Variants in LMX1B observed in about 807,000 individuals in gnomAD.
The protein encoded by LMX1B is LIM homeobox transcription factor 1-beta.
Under a neutral mutation model 51.4 loss-of-function variants are expected in LMX1B, and 12 were observed. That is an observed-to-expected ratio of 0.23 (90% CI 0.15 to 0.38). LMX1B has a LOEUF of 0.38. LMX1B is among the 10% of genes least tolerant of loss of function. The pLI, the probability that LMX1B is intolerant of heterozygous loss-of-function variation, is 1.00. For synonymous variants in LMX1B, 237 were observed against 235.4 expected (o/e 1.01, Z -0.06); for missense variants, 445 against 571.1 (o/e 0.78, Z 2.25).
intron 2 of LMX1B, among the ~76,000 whole-genome samples, chr9:126,650,789 C>T (rs1239046329): frequency 6.6e-6 from 1 of 152,200 alleles, no homozygotes; most frequent in African/African-American, 2.4e-5. Flanking sequence ...TGTGGGTGCC[C>T]TGGGCGGCCC....
At chr9:126,688,177 G>A (rs1275771958) in intron 2 of LMX1B, among the ~76,000 whole-genome samples, 3 of 152,236 alleles carry the variant, frequency 2.0e-5, no homozygotes, top group African/African-American at 7.2e-5. Context: ...GCGGCACTGA[G>A]CCTTTGGAGA....
chr9:126,680,760 G>A (rs973309716), intron 2 of LMX1B, among the ~76,000 whole-genome samples: 10 of 152,120 alleles, frequency 6.6e-5, no homozygotes, highest in African/African-American at 2.2e-4. Context: ...TAGTGAAGGG[G>A]CAGAAAGAAG....
Position 126,618,547 on chromosome 9 carries a change from C to T in LMX1B, c.326+2978C>T, listed in dbSNP as rs1835346226. Among the ~76,000 whole-genome samples the T allele has an allele frequency of 6.6e-6, 1 of 152,198 alleles. No homozygotes were observed. The highest frequency in any genetic ancestry group is 1.5e-5 in the Non-Finnish European group (1 of 68,032). On this transcript the variant is annotated intron_variant, in intron 2 of 7. Coordinates refer to ENST00000373474, the MANE Select transcript of LMX1B (RefSeq NM_001174147.2). This position sits in a 1 kb window ranked among gnomAD's most constrained non-coding sequence, Gnocchi z 4.5. ...GGGCTCCTTCAAAAAAAAGAAAAAG[C>T]AGCCTTTTCGGACAGAAAACCAGTT...
rs747329658 is a variant in LMX1B, at chr9:126,695,940, A to G, written c.988A>G (p.Ser330Gly). ...CATGGAACAGAGCCCCTACGGCAGC[A>G]GCGACCCCTTCCAGCAGGGCCTCAC... ...VAMEQSPYGSSDPFQQGLTPP... is the reference protein window; with the variant it reads ...VAMEQSPYGSGDPFQQGLTPP... The change falls in exon 7 of 8, where the codon AGC becomes GGC. Residue 330 changes from serine to glycine, a missense_variant. By Grantham distance (56) the Ser-to-Gly change is moderately conservative. Transcript: ENST00000373474. This position sits in a 1 kb window ranked among gnomAD's most constrained non-coding sequence, Gnocchi z 5.2. The G allele has an allele frequency of 6.2e-7, 1 of 1,613,140 alleles. No individual in the cohort carries two copies. Among genetic ancestry groups the G allele is most frequent in the African/African-American group, 1.3e-5 (1 of 74,820 alleles).
In LMX1B at chr9:126,670,760, A is replaced by G. The variant is rs184925504; in HGVS notation, c.327-20076A>G. On this transcript the variant is annotated intron_variant, in intron 2 of 7. Coordinates refer to ENST00000373474, the MANE Select transcript of LMX1B (RefSeq NM_001174147.2). ...TAGGTTCTTGGAAACTGTGACATTA[A>G]GCGAAACCACAGACAGCAGGTCCTC... Among the ~76,000 whole-genome samples the G allele has an allele frequency of 7.4e-4, 112 of 152,314 alleles. 1 individual carries two copies. The highest frequency in any genetic ancestry group is 3.4e-3 in the Middle Eastern group (1 of 294).
At position 126,615,786 on chromosome 9, in the gene LMX1B, A is replaced by G. The variant is rs894083379; in HGVS notation, c.326+217A>G. The stretch of plus-strand genomic sequence containing the variant: ...TCCTGGGAGCCTCCGGACGGCCCCC[A>G]GTTGCCATCCGTTGTCCCGGAATCC... On this transcript the variant is annotated intron_variant, in intron 2 of 7. Transcript: ENST00000373474. This position sits in a 1 kb window ranked among gnomAD's most constrained non-coding sequence, Gnocchi z 6.0. 6.6e-6 allele frequency among the ~76,000 whole-genome samples: 1 copy of G among 152,086 alleles called. No homozygotes were observed. The highest frequency in any genetic ancestry group is 2.4e-5 in the African/African-American group (1 of 41,426).
intron 2 of LMX1B, among the ~76,000 whole-genome samples, chr9:126,688,071 C>G (rs536396374): frequency 4.7e-4 from 72 of 152,184 alleles, no homozygotes; most frequent in Non-Finnish European, 8.7e-4. Flanking sequence ...ATGGCGCATT[C>G]TGTTTATAAA....
chr9:126,631,593 C>T (rs771419403), intron 2 of LMX1B, among the ~76,000 whole-genome samples: 8 of 151,908 alleles, frequency 5.3e-5, no homozygotes, highest in Non-Finnish European at 7.4e-5. Flanking sequence ...GGGATAGGGG[C>T]GAGGGCAGAG....
At chr9:126,676,401 C>T (rs1378358336) in intron 2 of LMX1B, among the ~76,000 whole-genome samples, 1 of 152,200 alleles carries the variant, frequency 6.6e-6, no homozygotes, top group Non-Finnish European at 1.5e-5. Flanking sequence ...CCCCAGCACC[C>T]AGCACCGCAC....
rs1427861843 is a variant in LMX1B at position 126,671,167 on chromosome 9, A to G, written c.327-19669A>G. 1.3e-5 allele frequency among the ~76,000 whole-genome samples: 2 copies of G among 152,156 alleles called. No homozygotes were observed. The highest frequency in any genetic ancestry group is 2.4e-5 in the African/African-American group (1 of 41,434). On this transcript the variant is annotated intron_variant, in intron 2 of 7. Transcript: ENST00000373474. The surrounding 1 kb of genome is among the most constrained non-coding windows in gnomAD (Gnocchi z 4.4). ...CTCACCAGCCGTTGGCAGGAATTCA[A>G]TCCCACCCCAGTAAACCCAGCTCTG... is the stretch of plus-strand genomic sequence containing the variant.
At chr9:126,619,719 C>T (rs868217096) in intron 2 of LMX1B, among the ~76,000 whole-genome samples, 2 of 152,214 alleles carry the variant, frequency 1.3e-5, no homozygotes, top group African/African-American at 2.4e-5. Context: ...CAGTCCCCTG[C>T]TGCTGAACGG....
intron 2 of LMX1B, among the ~76,000 whole-genome samples, chr9:126,666,846 G>A (rs956472160): frequency 1.3e-5 from 2 of 152,154 alleles, no homozygotes; most frequent in Non-Finnish European, 2.9e-5. Context: ...GGGCGGCGTG[G>A]GAAGAATGGG....
Position 126,615,302 on chromosome 9 carries a change from G to T in LMX1B, c.140-81G>T. ...GGCGGCCCGAGCCCTCGGGGCCGAG[G>T]GCTGTGGGCCCGGTGCGACCGGGAC... On this transcript the variant is annotated intron_variant, in intron 1 of 7. Transcript: ENST00000373474. The surrounding 1 kb of genome is among the most constrained non-coding windows in gnomAD (Gnocchi z 6.0). The T allele has an allele frequency of 8.5e-7, 1 of 1,173,660 alleles. No homozygotes were observed. The highest frequency in any genetic ancestry group is 1.1e-6 in the Non-Finnish European group (1 of 905,710). The allele number at this position is 1,173,660 out of a possible 1,614,324, so 72.7% of individuals were successfully genotyped here.
intron 2 of LMX1B, among the ~76,000 whole-genome samples, chr9:126,638,427 G>GCCCTGCCCGCAGCCCTGCCA (rs1245132232): frequency 2.0e-5 from 3 of 151,698 alleles, no homozygotes; most frequent in African/African-American, 7.3e-5. Flanking sequence ...GCCACTGGCT[G>GCCCTGCCCGCAGCCCTGCCA]CCCTGCCCGC....
intron 2 of LMX1B, among the ~76,000 whole-genome samples, chr9:126,670,368 GTAGA>G (rs1432816250): frequency 1.3e-5 from 2 of 152,268 alleles, no homozygotes; most frequent in African/African-American, 4.8e-5. Context: ...AGAGCAGCCT[GTAGA>G]TAGAGTTGTG....
At chr9:126,633,368 T>C (rs1377178600) in intron 2 of LMX1B, among the ~76,000 whole-genome samples, 3 of 152,200 alleles carry the variant, frequency 2.0e-5, no homozygotes, top group Admixed American at 6.5e-5. Context: ...ACTTGGTAGG[T>C]GCATCCGTGT....
intron 3 of LMX1B, among the ~76,000 whole-genome samples, chr9:126,692,759 C>A (rs1026645242): frequency 1.3e-5 from 2 of 152,264 alleles, no homozygotes; most frequent in Non-Finnish European, 2.9e-5. Context: ...GTGCACCTGT[C>A]TGCCTGTTCC....
intron 3 of LMX1B, among the ~76,000 whole-genome samples, 159 bp from the exon 4 acceptor site, chr9:126,692,983 C>T (rs755415093): frequency 2.0e-5 from 3 of 152,146 alleles, no homozygotes; most frequent in Non-Finnish European, 2.9e-5. Flanking sequence ...CTGTGGGCCA[C>T]GGGAGGGAAG....
rs75894916 is a variant in LMX1B, at chr9:126,614,883, G to A, written c.139+295G>A. Among the ~76,000 whole-genome samples the A allele has an allele frequency of 0.049, 7,468 of 152,188 alleles. 646 individuals are homozygous for A. The highest frequency in any genetic ancestry group is 0.41 in the East Asian group (2,110 of 5,100). On this transcript the variant is annotated intron_variant, in intron 1 of 7. Transcript: ENST00000373474. ...GGTGGCAGGGGTGATGGAGGACCTAGCAATCACCTTGGCGAGCTTGGGAGA... is the reference window on the plus strand; with the variant it reads ...GGTGGCAGGGGTGATGGAGGACCTAACAATCACCTTGGCGAGCTTGGGAGA...
Sources: allele counts gnomAD v4.1 joint callset (sites outside exome capture counted in the v4.1 genomes callset), GRCh38; gene constraint gnomAD v4.1.1; non-coding constraint Gnocchi (gnomAD v3.1); transcripts MANE v1.5; gene names NCBI Gene and HGNC (gene_info 2026-07-23, HGNC 2026-07-21).